SLC24A2: variants seen among roughly 807,000 people sequenced by gnomAD.
SLC24A2 encodes the protein solute carrier family 24 member 2.
A neutral mutation model predicts 62.0 loss-of-function variants in SLC24A2; 36 were observed. That is an observed-to-expected ratio of 0.58 (90% CI 0.44 to 0.77). The LOEUF (loss-of-function observed/expected upper bound fraction) is 0.77. Ranked by LOEUF, SLC24A2 falls within the 30% of genes least tolerant of loss-of-function variation. SLC24A2 has a pLI of 0.00. For synonymous variants in SLC24A2, 358 were observed against 294.0 expected (o/e 1.22, Z -2.23); for missense variants, 846 against 817.9 (o/e 1.03, Z -0.42).
chr9:19,568,427 C>T (rs530571169), intron 7 of SLC24A2, among the ~76,000 whole-genome samples: 8 of 152,322 alleles, frequency 5.3e-5, no homozygotes, highest in African/African-American at 1.4e-4. Flanking sequence ...TACCAATAGA[C>T]GCCTTGCCAT....
At chr9:19,541,434 G>A (rs368563200) in intron 8 of SLC24A2, among the ~76,000 whole-genome samples, 145 of 152,054 alleles carry the variant, frequency 9.5e-4, no homozygotes, top group African/African-American at 3.3e-3. Context: ...AGACAGGACC[G>A]TCAGCTGCAG....
At chr9:20,034,836 G>C in the SLC24A2 span, among the ~76,000 whole-genome samples, 1 of 152,042 alleles carries the variant, frequency 6.6e-6, no homozygotes. Flanking sequence ...CACAATTGTT[G>C]GTGAATGTTC....
chr9:19,670,805 A>G (rs1192173878), intron 2 of SLC24A2, among the ~76,000 whole-genome samples: 3 of 152,170 alleles, frequency 2.0e-5, no homozygotes, highest in Non-Finnish European at 4.4e-5. Flanking sequence ...TGCCTAGGTT[A>G]CCAGGTGGTA....
intron 8 of SLC24A2, among the ~76,000 whole-genome samples, chr9:19,543,610 C>T (rs1834393852): frequency 1.3e-5 from 2 of 151,978 alleles, no homozygotes; most frequent in African/African-American, 2.4e-5. Flanking sequence ...TAAATGTGTC[C>T]CAGAGATTGT....
the SLC24A2 span, among the ~76,000 whole-genome samples, chr9:20,149,218 A>T: frequency 2.0e-5 from 3 of 151,960 alleles, no homozygotes; most frequent in African/African-American, 7.2e-5. Flanking sequence ...TGGTAACTCT[A>T]ATGACTTTCC....
chr9:19,989,407 C>G, the SLC24A2 span, among the ~76,000 whole-genome samples: 27 of 152,118 alleles, frequency 1.8e-4, no homozygotes, highest in Non-Finnish European at 3.2e-4. Flanking sequence ...TAAGCACTTA[C>G]TAAAAAACAT....
intron 2 of SLC24A2, among the ~76,000 whole-genome samples, chr9:19,639,674 T>A (rs964893692): frequency 6.6e-6 from 1 of 152,244 alleles, no homozygotes; most frequent in African/African-American, 2.4e-5. Flanking sequence ...CCTATTTCCA[T>A]CTGTAATGAT....
the SLC24A2 span, among the ~76,000 whole-genome samples, chr9:19,866,560 G>A: frequency 6.7e-6 from 1 of 150,056 alleles, no homozygotes; most frequent in Non-Finnish European, 1.5e-5. Context: ...CAACATGGAT[G>A]AAAGTGGAGA....
At chr9:19,704,288 A>T (rs1820442119) in intron 2 of SLC24A2, among the ~76,000 whole-genome samples, 1 of 152,244 alleles carries the variant, frequency 6.6e-6, no homozygotes, top group Non-Finnish European at 1.5e-5. Flanking sequence ...GATATTTGCA[A>T]TTAAATGAAA....
At chr9:19,796,481 G>C in the SLC24A2 span, among the ~76,000 whole-genome samples, 2 of 152,158 alleles carry the variant, frequency 1.3e-5, no homozygotes, top group Non-Finnish European at 2.9e-5. Context: ...AAAACCCTGT[G>C]TCCTGAAGCC....
At chr9:20,229,901 A>G in the SLC24A2 span, among the ~76,000 whole-genome samples, 1 of 104,056 alleles carries the variant, frequency 9.6e-6, no homozygotes, top group African/African-American at 3.7e-5. Flanking sequence ...ACCCCACAAC[A>G]GTCCCTGGTG....
the SLC24A2 span, among the ~76,000 whole-genome samples, chr9:20,088,598 G>A: frequency 3.3e-5 from 5 of 152,186 alleles, no homozygotes; most frequent in African/African-American, 7.2e-5. Flanking sequence ...CACCATCTTC[G>A]CTGTTTTGCA....
chr9:20,293,495 G>C, the SLC24A2 span, among the ~76,000 whole-genome samples: 5 of 152,116 alleles, frequency 3.3e-5, no homozygotes, highest in African/African-American at 1.2e-4. Context: ...GCTGGCTGTG[G>C]CCAAAAAAGC....
intron 2 of SLC24A2, among the ~76,000 whole-genome samples, chr9:19,716,338 T>C (rs764105053): frequency 2.0e-5 from 3 of 152,228 alleles, no homozygotes; most frequent in Non-Finnish European, 4.4e-5. Context: ...ACAATGATGA[T>C]GGCTTATTCA....
At chr9:19,942,589 C>T in the SLC24A2 span, among the ~76,000 whole-genome samples, 16 of 152,258 alleles carry the variant, frequency 1.1e-4, no homozygotes, top group East Asian at 1.9e-4. Context: ...GGTGAAACAG[C>T]GCATCGCATT....
the SLC24A2 span, among the ~76,000 whole-genome samples, chr9:20,103,523 A>G: frequency 6.6e-6 from 1 of 152,176 alleles, no homozygotes; most frequent in East Asian, 1.9e-4. Context: ...CGAGCAGACA[A>G]CAGCATTCGT....
intron 7 of SLC24A2, among the ~76,000 whole-genome samples, chr9:19,568,108 G>T (rs1315220798): frequency 6.6e-6 from 1 of 152,144 alleles, no homozygotes; most frequent in Non-Finnish European, 1.5e-5. Context: ...ACTCTTAACG[G>T]AACTTGCTAA....
the SLC24A2 span, among the ~76,000 whole-genome samples, chr9:19,807,151 T>C: frequency 1.3e-5 from 2 of 152,232 alleles, no homozygotes; most frequent in Admixed American, 6.5e-5. Flanking sequence ...CTGTCCTTTT[T>C]TGGAAACAAT....
chr9:20,100,587 T>C, the SLC24A2 span, among the ~76,000 whole-genome samples: 1 of 152,240 alleles, frequency 6.6e-6, no homozygotes, highest in Non-Finnish European at 1.5e-5. Context: ...TTCACTACTC[T>C]ATTTCCAGTA....
Sources: allele counts gnomAD v4.1 joint callset (sites outside exome capture counted in the v4.1 genomes callset), GRCh38; gene constraint gnomAD v4.1.1; transcripts MANE v1.5; gene names NCBI Gene and HGNC (gene_info 2026-07-23, HGNC 2026-07-21).